Variants in JMJD1C observed in about 807,000 individuals in gnomAD.
JMJD1C encodes jumonji domain containing 1C, also known as jumonji domain-containing protein 1C.
JMJD1C carries 31 observed loss-of-function variants against 245.3 expected under a neutral mutation model. That is an observed-to-expected ratio of 0.13 (90% CI 0.09 to 0.17). The LOEUF is 0.17. Among genes scored for constraint, JMJD1C ranks in the 10% least tolerant of loss-of-function variants. The probability of loss-of-function intolerance (pLI) is 1.00; values close to 1 mark genes in which losing one functional copy is unlikely to be tolerated. For synonymous variants in JMJD1C, 1,057 were observed against 1,017.4 expected (o/e 1.04, Z -0.74); for missense variants, 2,691 against 3,000.2 (o/e 0.90, Z 2.41).
At chr10:63,441,901 G>A (rs1042983440) in intron 1 of JMJD1C, among the ~76,000 whole-genome samples, 4 of 152,056 alleles carry the variant, frequency 2.6e-5, no homozygotes. Context: ...AATGTTAACA[G>A]CGTTAGGTGT....
At chr10:63,193,227 A>G in intron 15 of JMJD1C, 76 bp from the exon 16 acceptor site, 1 of 1,467,588 alleles carries the variant, frequency 6.8e-7, no homozygotes, top group Non-Finnish European at 9.4e-7. Flanking sequence ...CAAAAAATTT[A>G]CACAGAAACA....
intron 1 of JMJD1C, among the ~76,000 whole-genome samples, chr10:63,479,629 C>T (rs1488425027): frequency 6.6e-6 from 1 of 152,176 alleles, no homozygotes; most frequent in African/African-American, 2.4e-5. Context: ...ATTCAGCTAA[C>T]TGTTCCCTCA....
At chr10:63,210,293 T>C (rs188504702) in intron 8 of JMJD1C, among the ~76,000 whole-genome samples, 293 of 152,210 alleles carry the variant, frequency 1.9e-3, no homozygotes, top group Middle Eastern at 3.4e-3. Context: ...AATAGTGTCT[T>C]ATGCTTGTAT....
chr10:63,504,413 G>C (rs80211554), intron 1 of JMJD1C, among the ~76,000 whole-genome samples: 5,625 of 152,190 alleles, frequency 0.037, 333 homozygotes, highest in East Asian at 0.29. Flanking sequence ...CACGGAATCT[G>C]AATAGCATTA....
chr10:63,440,353 A>T (rs7083976), intron 1 of JMJD1C, among the ~76,000 whole-genome samples: 37,045 of 120,270 alleles, frequency 0.31, 5,823 homozygotes, highest in Admixed American at 0.4. Context: ...AAAAAAAAAA[A>T]ATATATATAT....
At chr10:63,301,617 C>A in intron 2 of JMJD1C, 2 of 306,472 alleles carry the variant, frequency 6.5e-6, no homozygotes, top group Non-Finnish European at 1.3e-5. Context: ...AATGAGAACA[C>A]AAGGACACAG....
chr10:63,497,537 G>A (rs1007013867), intron 1 of JMJD1C, among the ~76,000 whole-genome samples: 2 of 152,172 alleles, frequency 1.3e-5, no homozygotes, highest in African/African-American at 4.8e-5. Context: ...GTTTCTTTCA[G>A]GGCTGATGAA....
At chr10:63,186,754 A>G (rs1456891215) in intron 18 of JMJD1C, among the ~76,000 whole-genome samples, 1 of 152,248 alleles carries the variant, frequency 6.6e-6, no homozygotes, top group Non-Finnish European at 1.5e-5. Context: ...TACAGCTTCT[A>G]AAACTACAAT....
intron 1 of JMJD1C, among the ~76,000 whole-genome samples, chr10:63,394,540 C>T (rs1214437107): frequency 6.6e-6 from 1 of 152,032 alleles, no homozygotes; most frequent in Non-Finnish European, 1.5e-5. Flanking sequence ...ATCAAAAGCA[C>T]AATCCATAAA....
intron 1 of JMJD1C, among the ~76,000 whole-genome samples, chr10:63,399,849 G>C (rs1429835661): frequency 1.3e-5 from 2 of 150,008 alleles, no homozygotes; most frequent in African/African-American, 4.9e-5. Flanking sequence ...GTCACATCTA[G>C]AAAACAAGGT....
At chr10:63,316,739 C>T (rs964270461) in intron 2 of JMJD1C, among the ~76,000 whole-genome samples, 1 of 152,058 alleles carries the variant, frequency 6.6e-6, no homozygotes, top group African/African-American at 2.4e-5. Flanking sequence ...TGAGCCACCA[C>T]AGCTGGCCAA....
At chr10:63,275,643 A>C (rs558774423) in intron 2 of JMJD1C, among the ~76,000 whole-genome samples, 1 of 152,140 alleles carries the variant, frequency 6.6e-6, no homozygotes, top group Non-Finnish European at 1.5e-5. Flanking sequence ...ACTAGAGATT[A>C]AAAAAAACTA....
chr10:63,417,860 G>T (rs546859281), intron 1 of JMJD1C, among the ~76,000 whole-genome samples: 1 of 152,126 alleles, frequency 6.6e-6, no homozygotes, highest in African/African-American at 2.4e-5. Flanking sequence ...TCAACAATTA[G>T]ACTGGTATCA....
At chr10:63,399,543 T>C (rs950364829) in intron 1 of JMJD1C, among the ~76,000 whole-genome samples, 28 of 152,288 alleles carry the variant, frequency 1.8e-4, no homozygotes, top group African/African-American at 6.5e-4. Context: ...ACTGAAAATC[T>C]TGTTATGCAA....
intron 2 of JMJD1C, among the ~76,000 whole-genome samples, chr10:63,336,316 G>A (rs1287693760): frequency 2.0e-5 from 3 of 152,030 alleles, no homozygotes; most frequent in Non-Finnish European, 4.4e-5. Flanking sequence ...CAATTAGCTG[G>A]ACATGGTGGG....
rs202149583 is a variant in JMJD1C, at chr10:63,499,947, TG to T, written n.113+21790del. On this transcript the variant is annotated intron_variant and non_coding_transcript_variant, in intron 1 of 3. Transcript: ENST00000633035. Reference sequence around the variant, plus strand: ...TCATTTTTACCTATTATAATGCTACTGCCTCAAAAAACTCTACTAACACTTA... The same window carrying T: ...TCATTTTTACCTATTATAATGCTACTCCTCAAAAAACTCTACTAACACTTA... Among the ~76,000 whole-genome samples the T allele has an allele frequency of 3.9e-5, 6 of 152,350 alleles. No homozygotes were observed. The East Asian group carries it at 1.2e-3, about 29-fold the overall frequency.
chr10:63,474,351 G>A (rs1012451157), intron 1 of JMJD1C, among the ~76,000 whole-genome samples: 8 of 152,142 alleles, frequency 5.3e-5, no homozygotes, highest in Admixed American at 2.0e-4. Flanking sequence ...GCGGGCAGCC[G>A]TGAAGAAAAG....
At chr10:63,242,845 T>TA (rs1005351169) in intron 3 of JMJD1C, among the ~76,000 whole-genome samples, 3 of 151,816 alleles carry the variant, frequency 2.0e-5, no homozygotes, top group Admixed American at 6.6e-5. Flanking sequence ...TTCTCCTTAT[T>TA]AAAAAAAATT....
At chr10:63,431,125 G>T (rs1950720690) in intron 1 of JMJD1C, among the ~76,000 whole-genome samples, 1 of 152,156 alleles carries the variant, frequency 6.6e-6, no homozygotes, top group African/African-American at 2.4e-5. Flanking sequence ...AGGGATTATA[G>T]ACTTTATAAC....
Sources: allele counts gnomAD v4.1 joint callset (sites outside exome capture counted in the v4.1 genomes callset), GRCh38; gene constraint gnomAD v4.1.1; transcripts MANE v1.5; gene names NCBI Gene and HGNC (gene_info 2026-07-23, HGNC 2026-07-21).